AFF1: variants seen among roughly 807,000 people sequenced by gnomAD.
AFF1 encodes the protein ALF transcription elongation factor 1.
AFF1 carries 48 observed loss-of-function variants against 121.7 expected under a neutral mutation model. The observed-to-expected ratio is 0.39, with a 90% CI of 0.31 to 0.50. The LOEUF (loss-of-function observed/expected upper bound fraction) is 0.50, where lower values mean the gene tolerates loss of function less well. Ranked by LOEUF, AFF1 falls within the 20% of genes least tolerant of loss-of-function variation. The probability of loss-of-function intolerance (pLI) is 0.76; values close to 1 mark genes in which losing one functional copy is unlikely to be tolerated. For missense variants in AFF1, 1,523 were observed against 1,511.7 expected (o/e 1.01, Z -0.12); for synonymous variants, 613 against 563.0 (o/e 1.09, Z -1.26).
chr4:86,944,953 T>C (rs1002115753), intron 1 of AFF1, among the ~76,000 whole-genome samples: 1 of 152,250 alleles, frequency 6.6e-6, no homozygotes, highest in African/African-American at 2.4e-5. Context: ...TTTTAATTTC[T>C]GAATAAATTT....
At chr4:86,999,988 G>A (rs1304386836) in intron 2 of AFF1, among the ~76,000 whole-genome samples, 2 of 152,196 alleles carry the variant, frequency 1.3e-5, no homozygotes, top group Admixed American at 6.5e-5. Flanking sequence ...AACACAAAAG[G>A]ATGGGGCATG....
intron 2 of AFF1, among the ~76,000 whole-genome samples, chr4:86,970,433 A>G (rs1722863811): frequency 6.6e-6 from 1 of 152,226 alleles, no homozygotes; most frequent in Non-Finnish European, 1.5e-5. Flanking sequence ...GAAGATAAAA[A>G]TGTTGCTCCT....
At chr4:87,097,514 A>G (rs1227337483) in intron 8 of AFF1, among the ~76,000 whole-genome samples, 1 of 152,242 alleles carries the variant, frequency 6.6e-6, no homozygotes, top group Non-Finnish European at 1.5e-5. Flanking sequence ...GCTAACAAGT[A>G]TATCTTGTGA....
intron 16 of AFF1, 44 bp downstream of exon 16, chr4:87,127,747 AG>A: frequency 6.2e-7 from 1 of 1,605,146 alleles, no homozygotes; most frequent in Non-Finnish European, 8.5e-7. Context: ...GTTTTCTGAT[AG>A]TAAAAAAAAT....
At chr4:87,016,597 A>G (rs1399610817) in intron 2 of AFF1, among the ~76,000 whole-genome samples, 1 of 152,056 alleles carries the variant, frequency 6.6e-6, no homozygotes, top group African/African-American at 2.4e-5. Flanking sequence ...TTTATATATC[A>G]TAAAATTCAC....
chr4:86,941,673 TAAATA>T (rs1171614917), intron 1 of AFF1, among the ~76,000 whole-genome samples: 2 of 150,452 alleles, frequency 1.3e-5, no homozygotes, highest in Admixed American at 6.6e-5. Context: ...AATAAATAAA[TAAATA>T]AAATAAAAAA....
At chr4:87,085,457 G>A (rs1337731745) in intron 5 of AFF1, among the ~76,000 whole-genome samples, 1 of 149,214 alleles carries the variant, frequency 6.7e-6, no homozygotes, top group Admixed American at 6.7e-5. Flanking sequence ...TTTTTAATTA[G>A]TAGAGAGATG....
intron 2 of AFF1, among the ~76,000 whole-genome samples, chr4:86,971,259 A>G (rs894595613): frequency 6.6e-6 from 1 of 151,938 alleles, no homozygotes; most frequent in African/African-American, 2.4e-5. Flanking sequence ...TCTGTTTTTC[A>G]GAGGAAGCTA....
At chr4:87,078,308 C>A (rs1722865558) in intron 4 of AFF1, among the ~76,000 whole-genome samples, 1 of 152,196 alleles carries the variant, frequency 6.6e-6, no homozygotes, top group South Asian at 2.1e-4. Flanking sequence ...CAGCCTGCAT[C>A]TTCTTAAGTG....
intron 2 of AFF1, among the ~76,000 whole-genome samples, chr4:86,997,163 T>G (rs1035165767): frequency 6.6e-6 from 1 of 152,098 alleles, no homozygotes; most frequent in African/African-American, 2.4e-5. Context: ...CCGCCCGCCT[T>G]GGCCCCCCAA....
intron 4 of AFF1, among the ~76,000 whole-genome samples, chr4:87,066,560 G>A (rs1160949736): frequency 6.6e-6 from 1 of 152,140 alleles, no homozygotes; most frequent in African/African-American, 2.4e-5. Flanking sequence ...GTGAACTCCA[G>A]CCTGGGCAAC....
intron 2 of AFF1, among the ~76,000 whole-genome samples, chr4:87,002,191 C>T (rs1428927747): frequency 6.6e-6 from 1 of 151,304 alleles, no homozygotes; most frequent in Non-Finnish European, 1.5e-5. Context: ...TTCCTGGGCC[C>T]AGGTGATCCC....
chr4:87,039,075 G>T (rs945172050), intron 2 of AFF1, among the ~76,000 whole-genome samples: 1 of 152,178 alleles, frequency 6.6e-6, no homozygotes, highest in African/African-American at 2.4e-5. Context: ...CTCCAGCCTG[G>T]GAGAAGGTGC....
At chr4:87,076,281 C>G (rs1722663436) in intron 4 of AFF1, among the ~76,000 whole-genome samples, 1 of 152,166 alleles carries the variant, frequency 6.6e-6, no homozygotes, top group South Asian at 2.1e-4. Context: ...TATTTCTCCT[C>G]TCCCTGAAAA....
chr4:87,095,711 T>C (rs1218731808), intron 8 of AFF1, among the ~76,000 whole-genome samples: 1 of 152,198 alleles, frequency 6.6e-6, no homozygotes. Flanking sequence ...TCCAGAAATA[T>C]TTTGGGTTAT....
At position 87,139,903 on chromosome 4, in the gene AFF1, T is replaced by C. The variant is rs141343010; in HGVS notation, c.*4202T>C. 0.014 allele frequency: 3,138 copies of C among 219,256 alleles called. 36 individuals carry two copies. Among genetic ancestry groups the C allele is most frequent in the Non-Finnish European group, 0.022 (2,395 of 109,206 alleles). 13.6% of individuals were successfully genotyped at this position (219,256 alleles called of 1,614,324 possible). The stretch of plus-strand genomic sequence containing the variant: ...ACTGACCATGTTCTTCAGTTCTTAA[T>C]TATGGTGAGTTGACAAATACCAACT... On this transcript the variant is annotated 3_prime_UTR_variant, in exon 21 of 21. Coordinates refer to ENST00000395146, the MANE Select transcript of AFF1 (RefSeq NM_001166693.3).
intron 4 of AFF1, among the ~76,000 whole-genome samples, chr4:87,063,228 C>CTTTCTTT (rs1720963035): frequency 2.3e-5 from 1 of 44,402 alleles, no homozygotes; most frequent in Admixed American, 3.5e-4. Context: ...AGATTCACCT[C>CTTTCTTT]TTTTTTTTTT....
intron 4 of AFF1, among the ~76,000 whole-genome samples, chr4:87,074,393 T>G (rs371631703): frequency 6.6e-5 from 10 of 152,214 alleles, no homozygotes; most frequent in African/African-American, 2.4e-4. Flanking sequence ...GGGCCTCATG[T>G]GGTCTTTCAT....
At chr4:87,039,334 G>A (rs1729878486) in intron 2 of AFF1, among the ~76,000 whole-genome samples, 1 of 152,176 alleles carries the variant, frequency 6.6e-6, no homozygotes, top group African/African-American at 2.4e-5. Context: ...GCCCTGACAG[G>A]CCCCAGCATG....
Sources: gnomAD v4.1 joint callset for allele counts (sites outside exome capture counted in the v4.1 genomes callset) on GRCh38, gnomAD v4.1.1 for gene constraint, MANE v1.5 for transcripts, NCBI Gene and HGNC (gene_info 2026-07-23, HGNC 2026-07-21) for gene names.